The following CACNA1E variants were observed in gnomAD, a reference collection of about 807,000 sequenced individuals.
CACNA1E encodes voltage-dependent R-type calcium channel subunit alpha-1E.
A neutral mutation model predicts 259.2 loss-of-function variants in CACNA1E; 40 were observed. The ratio of observed to expected loss-of-function variants is 0.15; its 90% confidence interval spans 0.12 to 0.20. The LOEUF is 0.20. CACNA1E is among the 10% of genes least tolerant of loss of function. The probability of loss-of-function intolerance (pLI) is 1.00; values close to 1 mark genes in which losing one functional copy is unlikely to be tolerated. For missense variants in CACNA1E, 1,874 were observed against 3,040.1 expected (o/e 0.62, Z 9.02); for synonymous variants, 1,104 against 1,138.5 (o/e 0.97, Z 0.61).
chr1:181,366,163 G>T (rs1258215211), intron 1 of CACNA1E, among the ~76,000 whole-genome samples: 1 of 152,142 alleles, frequency 6.6e-6, no homozygotes, highest in Non-Finnish European at 1.5e-5. Flanking sequence ...CTCTCTGAAT[G>T]CCTATTCCTA....
At chr1:181,727,610 CCTGCGTGGCCTGGTCT>C (rs1262393093) in intron 18 of CACNA1E, among the ~76,000 whole-genome samples, 2 of 152,124 alleles carry the variant, frequency 1.3e-5, no homozygotes, top group South Asian at 2.1e-4. Context: ...CGGCCTGGGC[CCTGCGTGGCCTGGTCT>C]CTGCGTGGTG....
chr1:181,382,696 A>G (rs1449834249), intron 1 of CACNA1E, among the ~76,000 whole-genome samples: 1 of 152,188 alleles, frequency 6.6e-6, no homozygotes. Context: ...AAATAGCAAT[A>G]ACAATCTTCT....
intron 2 of CACNA1E, among the ~76,000 whole-genome samples, chr1:181,438,888 T>C (rs1660260589): frequency 6.6e-6 from 1 of 152,190 alleles, no homozygotes; most frequent in Admixed American, 6.5e-5. Flanking sequence ...TTACTTGTGA[T>C]AGCAGGGACT....
chr1:181,370,558 G>C (rs1315302907), intron 1 of CACNA1E, among the ~76,000 whole-genome samples: 1 of 152,150 alleles, frequency 6.6e-6, no homozygotes, highest in East Asian at 1.9e-4. Context: ...ACATTAATTA[G>C]CTTAGGATAA....
chr1:181,795,914 A>G (rs1464338586), intron 46 of CACNA1E, among the ~76,000 whole-genome samples: 1 of 151,696 alleles, frequency 6.6e-6, no homozygotes, highest in Non-Finnish European at 1.5e-5. Flanking sequence ...TTTCATTTCA[A>G]TCCTGGACTT....
chr1:181,764,061 T>C (rs1340972651), intron 34 of CACNA1E, among the ~76,000 whole-genome samples: 1 of 152,234 alleles, frequency 6.6e-6, no homozygotes, highest in Non-Finnish European at 1.5e-5. Flanking sequence ...GGTATACTAA[T>C]GGCCACCTCT....
intron 7 of CACNA1E, among the ~76,000 whole-genome samples, chr1:181,688,895 T>C (rs530502903): frequency 3.9e-5 from 6 of 152,346 alleles, no homozygotes; most frequent in African/African-American, 1.4e-4. Flanking sequence ...ATAAATGAGA[T>C]AATGCAATAT....
rs1346473883 is a variant in CACNA1E at position 181,803,018 on chromosome 1, G to C, written c.*4184G>C. 6.6e-6 allele frequency: 1 copy of C among 152,192 alleles called. No individual in the cohort carries two copies. Among genetic ancestry groups the C allele is most frequent in the Non-Finnish European group, 1.5e-5 (1 of 68,040 alleles). 9.4% of individuals were successfully genotyped at this position (152,192 alleles called of 1,614,324 possible). On this transcript the variant is annotated 3_prime_UTR_variant, in exon 48 of 48. Coordinates refer to ENST00000367573, the MANE Select transcript of CACNA1E (RefSeq NM_001205293.3). ...AAGGATTTTGAGATTTGAAGGTTAAGGAATTTTTACTGCTATTTTTGTTCA... is the reference window on the plus strand; with the variant it reads ...AAGGATTTTGAGATTTGAAGGTTAACGAATTTTTACTGCTATTTTTGTTCA...
rs1662776605 is a variant in CACNA1E at position 181,475,415 on chromosome 1, GT to G, written c.435-8327del. Among the ~76,000 whole-genome samples, 7 of 152,332 alleles carry G rather than the reference GT, an allele frequency of 4.6e-5. No individual in the cohort carries two copies. The South Asian group carries it at 1.5e-3, about 32-fold the overall frequency. On this transcript the variant is annotated intron_variant, in intron 2 of 11. Transcript: ENST00000524607. The stretch of plus-strand genomic sequence containing the variant: ...GAGTTTATAGGAGGTACAGGTCAGT[GT>G]TGGAGAGATTATGAAAGGCTTTGTG...
chr1:181,635,214 A>G (rs958930710), intron 6 of CACNA1E, among the ~76,000 whole-genome samples: 3 of 152,146 alleles, frequency 2.0e-5, no homozygotes, highest in Non-Finnish European at 4.4e-5. Flanking sequence ...TGAAACTTAC[A>G]TCCTTCTGCA....
chr1:181,642,281 G>A (rs1657861249), intron 6 of CACNA1E, among the ~76,000 whole-genome samples: 1 of 152,160 alleles, frequency 6.6e-6, no homozygotes, highest in Non-Finnish European at 1.5e-5. Flanking sequence ...ATAAAGGTTA[G>A]AGTACTCATA....
At position 181,711,077 on chromosome 1, in the gene CACNA1E, T is replaced by C; in HGVS notation, c.1171+8T>C. 1 of 1,595,022 alleles carries C rather than the reference T, an allele frequency of 6.3e-7. No homozygotes were observed. The highest frequency in any genetic ancestry group is 8.6e-7 in the Non-Finnish European group (1 of 1,162,828). On this transcript the variant is annotated splice_region_variant and intron_variant, in intron 8 of 47. Coordinates refer to ENST00000367573, the MANE Select transcript of CACNA1E (RefSeq NM_001205293.3). ...CCTGGATAGACAAAGCAGGTAGGCC[T>C]GGGGGGCTGCAGGAGGCTGGTGAGT...
chr1:181,326,612 C>T (rs1650816844), intron 1 of CACNA1E, among the ~76,000 whole-genome samples: 1 of 152,196 alleles, frequency 6.6e-6, no homozygotes, highest in Admixed American at 6.5e-5. Context: ...GTCCACACAT[C>T]CCTCCCTTTG....
chr1:181,354,124 A>T (rs1170384923), intron 1 of CACNA1E, among the ~76,000 whole-genome samples: 5 of 150,056 alleles, frequency 3.3e-5, no homozygotes, highest in Non-Finnish European at 1.5e-5. Context: ...TCAGACTGGC[A>T]GCTGAATAAG....
At chr1:181,604,963 T>G (rs894930414) in intron 6 of CACNA1E, among the ~76,000 whole-genome samples, 1 of 152,160 alleles carries the variant, frequency 6.6e-6, no homozygotes, top group Non-Finnish European at 1.5e-5. Context: ...GCCTCATTTG[T>G]CACTCTGAGT....
chr1:181,796,472 C>A (rs1483128484), intron 46 of CACNA1E, among the ~76,000 whole-genome samples, 196 bp from the exon 47 acceptor site: 4 of 152,170 alleles, frequency 2.6e-5, no homozygotes, highest in Non-Finnish European at 4.4e-5. Flanking sequence ...GCCCCACCCT[C>A]ATGCCCTGCC....
chr1:181,332,247 G>A (rs1247819925), intron 1 of CACNA1E, among the ~76,000 whole-genome samples: 1 of 152,212 alleles, frequency 6.6e-6, no homozygotes, highest in Non-Finnish European at 1.5e-5. Context: ...AGAGCATCAG[G>A]AAGAATAGCT....
intron 1 of CACNA1E, among the ~76,000 whole-genome samples, chr1:181,319,506 C>T (rs1042103519): frequency 2.6e-5 from 4 of 152,276 alleles, no homozygotes; most frequent in African/African-American, 9.6e-5. Flanking sequence ...CGATTTCTAC[C>T]ATCTAAACTA....
At position 181,798,800 on chromosome 1, in the gene CACNA1E, T is replaced by C; in HGVS notation, c.6908T>C (p.Leu2303Pro). ...ATGATGTGTGGGGCTGTCAACAACC[T>C]GCTAAGTGACACGGAAGAAGATGAC... ...PGMMCGAVNN[L>P]LSDTEEDDKC Residue 2303 changes from leucine (L) to proline (P), a missense_variant, in exon 48 of 48, where the codon CTG becomes CCG. By Grantham distance (98) the Leu-to-Pro change is moderately conservative (BLOSUM62 -3). Transcript: ENST00000367573. The surrounding 1 kb of genome is among the most constrained non-coding windows in gnomAD (Gnocchi z 4.2). 2 of 1,541,156 alleles carry C rather than the reference T, an allele frequency of 1.3e-6. No homozygotes were observed. Among genetic ancestry groups the C allele is most frequent in the Middle Eastern group, 1.7e-4 (1 of 5,782 alleles).
Sources: allele counts gnomAD v4.1 joint callset (sites outside exome capture counted in the v4.1 genomes callset), GRCh38; gene constraint gnomAD v4.1.1; non-coding constraint Gnocchi (gnomAD v3.1); transcripts MANE v1.5; gene names NCBI Gene and HGNC (gene_info 2026-07-23, HGNC 2026-07-21).